The following SLCO3A1 variants were observed in gnomAD, a reference collection of about 807,000 sequenced individuals.
SLCO3A1 encodes PGE1 transporter.
SLCO3A1 carries 27 observed loss-of-function variants against 63.1 expected under a neutral mutation model. The observed-to-expected ratio is 0.43, with a 90% CI of 0.32 to 0.59. SLCO3A1 has a LOEUF of 0.59. Among genes scored for constraint, SLCO3A1 ranks in the 20% least tolerant of loss-of-function variants. The pLI, the probability that SLCO3A1 is intolerant of heterozygous loss-of-function variation, is 0.09. For synonymous variants in SLCO3A1, 473 were observed against 409.9 expected, an observed-to-expected ratio of 1.15 and a Z score of -1.86; for missense variants, 773 against 945.8, an observed-to-expected ratio of 0.82 and a Z score of 2.40.
In SLCO3A1 at chr15:91,862,034, C is replaced by G. The variant is rs771131763; in HGVS notation, c.180+7946C>G. Among the ~76,000 whole-genome samples, 8 of 152,130 alleles carry G rather than the reference C, an allele frequency of 5.3e-5. No homozygotes were observed. Among genetic ancestry groups the G allele is most frequent in the Non-Finnish European group, 1.2e-4 (8 of 68,036 alleles). On this transcript the variant is annotated intron_variant, in intron 1 of 9. Transcript: ENST00000318445. This position sits in a 1 kb window ranked among gnomAD's most constrained non-coding sequence, Gnocchi z 4.0. ...GCCCTCATGATTTCCTTTATAAATA[C>G]CCCTGCCATGACTTTTCAGTACTCT...
intron 2 of SLCO3A1, among the ~76,000 whole-genome samples, chr15:91,947,213 C>T (rs1465484432): frequency 6.6e-6 from 1 of 152,196 alleles, no homozygotes; most frequent in East Asian, 1.9e-4. Context: ...CCTGGGTGCA[C>T]CTCTAATCAT....
intron 2 of SLCO3A1, among the ~76,000 whole-genome samples, chr15:91,981,390 C>T (rs2151436777): frequency 6.6e-6 from 1 of 152,278 alleles, no homozygotes; most frequent in South Asian, 2.1e-4. Context: ...CGTATCTCAT[C>T]TCATCTCTCT....
At chr15:92,155,006 C>A (rs751096902) in intron 9 of SLCO3A1, among the ~76,000 whole-genome samples, 1 of 152,096 alleles carries the variant, frequency 6.6e-6, no homozygotes, top group Non-Finnish European at 1.5e-5. Flanking sequence ...CAGAGAGGGA[C>A]AGGGGTCAAG....
At chr15:92,041,116 C>T (rs2046791586) in intron 2 of SLCO3A1, among the ~76,000 whole-genome samples, 2 of 152,086 alleles carry the variant, frequency 1.3e-5, no homozygotes, top group Non-Finnish European at 2.9e-5. Flanking sequence ...TACAGGAAGC[C>T]TCCTGTAGAC....
At chr15:91,995,438 A>G (rs2046179272) in intron 2 of SLCO3A1, among the ~76,000 whole-genome samples, 1 of 152,228 alleles carries the variant, frequency 6.6e-6, no homozygotes, top group Non-Finnish European at 1.5e-5. Flanking sequence ...TATATTGGAC[A>G]GCTAGTGTCA....
rs548199800 is a variant in SLCO3A1 at position 91,862,534 on chromosome 15, G to C, written c.180+8446G>C. Reference sequence around the variant, plus strand: ...TTTGTTCTGCCAGGTTGTCCTTTGGGACAACTTTTGGGTGTCTGGATAATG... The same window carrying C: ...TTTGTTCTGCCAGGTTGTCCTTTGGCACAACTTTTGGGTGTCTGGATAATG... On this transcript the variant is annotated intron_variant, in intron 1 of 9. Coordinates refer to ENST00000318445, the MANE Select transcript of SLCO3A1 (RefSeq NM_013272.4). The surrounding 1 kb of genome is among the most constrained non-coding windows in gnomAD (Gnocchi z 4.0). Among the ~76,000 whole-genome samples, 1 of 152,280 alleles carries C rather than the reference G, an allele frequency of 6.6e-6. No homozygotes were observed. The highest frequency in any genetic ancestry group is 1.9e-4 in the East Asian group (1 of 5,184).
rs544325995 is a variant in SLCO3A1 at position 91,904,048 on chromosome 15, G to A, written c.181-11945G>A. ...GAGTGGGTCGGGTAGAGGGATCTGT[G>A]TTCAGCGGGAGGGAGGGCCACGCTT... On this transcript the variant is annotated intron_variant, in intron 1 of 9. Transcript: ENST00000318445. Among the ~76,000 whole-genome samples the A allele has an allele frequency of 1.9e-4, 11 of 58,554 alleles. 1 individual carries two copies. Among genetic ancestry groups the A allele is most frequent in the African/African-American group, 9.3e-4 (11 of 11,856 alleles). The allele number at this position is 58,554 out of a possible 152,430, so 38.4% of individuals were successfully genotyped here.
At chr15:91,857,717 C>A (rs1896959602) in intron 1 of SLCO3A1, among the ~76,000 whole-genome samples, 1 of 152,046 alleles carries the variant, frequency 6.6e-6, no homozygotes. Context: ...GGTAGCCCTG[C>A]ATATAGAGGT....
chr15:92,102,769 G>T (rs1325754148), intron 3 of SLCO3A1, among the ~76,000 whole-genome samples: 1 of 152,148 alleles, frequency 6.6e-6, no homozygotes, highest in Non-Finnish European at 1.5e-5. Context: ...GGCACAAAGA[G>T]CAGGAATTGA....
intron 2 of SLCO3A1, among the ~76,000 whole-genome samples, chr15:91,928,840 G>C (rs1899124998): frequency 6.6e-6 from 1 of 152,186 alleles, no homozygotes; most frequent in Admixed American, 6.5e-5. Context: ...TCACTCACCA[G>C]ACGGTTTTGT....
chr15:92,155,513 G>C (rs2048360426), intron 9 of SLCO3A1, among the ~76,000 whole-genome samples: 1 of 152,190 alleles, frequency 6.6e-6, no homozygotes, highest in African/African-American at 2.4e-5. Flanking sequence ...CTGAGTAGTT[G>C]CCAGTGTGGA....
chr15:91,884,421 G>A (rs1401088693), intron 1 of SLCO3A1, among the ~76,000 whole-genome samples: 1 of 149,726 alleles, frequency 6.7e-6, no homozygotes, highest in Admixed American at 6.7e-5. Flanking sequence ...TGAAGCAGGA[G>A]AATCGCTTGA....
At position 92,120,537 on chromosome 15, in the gene SLCO3A1, A is replaced by G; in HGVS notation, c.1082A>G (p.Glu361Gly). ...FTCIILAACM[E>G]IAVVAGFAAF... ...TGCATCATCCTGGCCGCCTGCATGGAGATTGCAGTGGTGGCTGGCTTCGCT... is the reference window on the plus strand; with the variant it reads ...TGCATCATCCTGGCCGCCTGCATGGGGATTGCAGTGGTGGCTGGCTTCGCT... Residue 361 changes from glutamate to glycine, a missense_variant, in exon 5 of 10, where the codon GAG (glutamate) becomes GGG (glycine). Physicochemically the swap from Glu to Gly is moderately conservative, Grantham distance 98. Around this residue, in one of 3 missense-constraint regions of SLCO3A1, gnomAD observed 565 missense variants for 749.8 expected, o/e 0.75. Transcript: ENST00000318445. 6.2e-7 allele frequency: 1 copy of G among 1,613,892 alleles called. No homozygotes were observed. The highest frequency in any genetic ancestry group is 8.5e-7 in the Non-Finnish European group (1 of 1,179,958).
chr15:92,055,128 T>C (rs954830324), intron 2 of SLCO3A1, among the ~76,000 whole-genome samples: 2 of 152,208 alleles, frequency 1.3e-5, no homozygotes, highest in African/African-American at 4.8e-5. Context: ...TTCTTGACTT[T>C]TTAATAATTG....
chr15:92,091,726 A>G (rs1477968478), intron 2 of SLCO3A1, among the ~76,000 whole-genome samples: 1 of 152,222 alleles, frequency 6.6e-6, no homozygotes, highest in African/African-American at 2.4e-5. Context: ...CGACATAGAA[A>G]AGTGACCAGA....
At chr15:92,105,635 T>C (rs1200606419) in intron 4 of SLCO3A1, among the ~76,000 whole-genome samples, 1 of 152,078 alleles carries the variant, frequency 6.6e-6, no homozygotes, top group Non-Finnish European at 1.5e-5. Context: ...AGGCGAGGTA[T>C]GTGTGAGGTT....
intron 1 of SLCO3A1, among the ~76,000 whole-genome samples, chr15:91,878,447 C>T (rs1897460481): frequency 6.6e-6 from 1 of 152,094 alleles, no homozygotes; most frequent in Non-Finnish European, 1.5e-5. Flanking sequence ...TAGCCAAATG[C>T]CATCAGAAGA....
rs2046680227 is a variant in SLCO3A1, at chr15:92,033,397, C to G, written c.647-61484C>G. ...CTCCTCTTGCATTCTCCCTCCAACT[C>G]TCTTCCCCTTAGTGGAGAAGTAACG... On this transcript the variant is annotated intron_variant, in intron 2 of 9. Transcript: ENST00000318445. This position sits in a 1 kb window ranked among gnomAD's most constrained non-coding sequence, Gnocchi z 4.5. Among the ~76,000 whole-genome samples the G allele has an allele frequency of 6.6e-6, 1 of 152,184 alleles. No individual in the cohort carries two copies. Among genetic ancestry groups the G allele is most frequent in the African/African-American group, 2.4e-5 (1 of 41,438 alleles).
intron 2 of SLCO3A1, among the ~76,000 whole-genome samples, chr15:92,050,578 C>G (rs989303299): frequency 6.2e-4 from 95 of 152,196 alleles, no homozygotes; most frequent in Non-Finnish European, 8.8e-5. Flanking sequence ...TCAGCTCTGT[C>G]TCCAAATTAC....
Sources: allele counts gnomAD v4.1 joint callset (sites outside exome capture counted in the v4.1 genomes callset), GRCh38; gene constraint gnomAD v4.1.1; regional missense constraint gnomAD v4.1.1; non-coding constraint Gnocchi (gnomAD v3.1); transcripts MANE v1.5; gene names NCBI Gene and HGNC (gene_info 2026-07-23, HGNC 2026-07-21).